ADGRL3: variants seen among roughly 807,000 people sequenced by gnomAD.
The protein encoded by ADGRL3 is calcium-independent alpha-latrotoxin receptor 3.
A neutral mutation model predicts 153.5 loss-of-function variants in ADGRL3; 62 were observed. The observed-to-expected ratio is 0.40, with a 90% CI of 0.33 to 0.50. The LOEUF (loss-of-function observed/expected upper bound fraction) is 0.50. ADGRL3 is among the 20% of genes least tolerant of loss of function. The pLI is 0.47. For missense variants in ADGRL3, 1,641 were observed against 1,859.4 expected, an observed-to-expected ratio of 0.88 and a Z score of 2.16; for synonymous variants, 710 against 672.5, an observed-to-expected ratio of 1.06 and a Z score of -0.86.
intron 1 of ADGRL3, among the ~76,000 whole-genome samples, chr4:61,332,890 G>A (rs988511142): frequency 2.0e-4 from 31 of 152,090 alleles, no homozygotes; most frequent in African/African-American, 7.2e-4. Flanking sequence ...CGATTGGGTT[G>A]CTGGCATGGT....
chr4:61,843,986 A>C (rs1173489052), intron 9 of ADGRL3, among the ~76,000 whole-genome samples: 2 of 149,532 alleles, frequency 1.3e-5, no homozygotes, highest in Non-Finnish European at 3.0e-5. Flanking sequence ...ATGCCATTGC[A>C]CTCCAGCCTG....
chr4:61,281,861 T>C (rs2093735979), intron 1 of ADGRL3, among the ~76,000 whole-genome samples: 1 of 152,110 alleles, frequency 6.6e-6, no homozygotes, highest in Non-Finnish European at 1.5e-5. Flanking sequence ...TTTTTAAAGT[T>C]TAGAAAGTCT....
At chr4:61,401,400 A>G (rs2096928796) in intron 2 of ADGRL3, among the ~76,000 whole-genome samples, 1 of 151,984 alleles carries the variant, frequency 6.6e-6, no homozygotes, top group Admixed American at 6.6e-5. Context: ...CAATTATATT[A>G]CATTCCAGTG....
intron 5 of ADGRL3, among the ~76,000 whole-genome samples, chr4:61,672,202 C>A (rs932682177): frequency 6.6e-6 from 1 of 152,094 alleles, no homozygotes; most frequent in African/African-American, 2.4e-5. Flanking sequence ...ACCTGTAAAT[C>A]TTTAATCCAT....
At chr4:61,935,790 G>T (rs2098835879) in intron 14 of ADGRL3, 133 bp from the exon 15 acceptor site, 4 of 838,178 alleles carry the variant, frequency 4.8e-6, no homozygotes, top group Middle Eastern at 3.2e-4. Flanking sequence ...TTTTCTTAAA[G>T]ATTTTCATAA....
chr4:61,890,071 C>T (rs1465426240), intron 9 of ADGRL3, among the ~76,000 whole-genome samples: 1 of 152,136 alleles, frequency 6.6e-6, no homozygotes, highest in African/African-American at 2.4e-5. Context: ...TTCATTTGAG[C>T]ATGAGATTAT....
At chr4:61,275,565 A>G (rs2093420996) in intron 1 of ADGRL3, among the ~76,000 whole-genome samples, 1 of 152,188 alleles carries the variant, frequency 6.6e-6, no homozygotes. Context: ...TGTCCTGCAT[A>G]GTCGATCTAG....
chr4:61,720,185 G>A (rs908160732), intron 6 of ADGRL3, among the ~76,000 whole-genome samples: 2 of 150,384 alleles, frequency 1.3e-5, no homozygotes, highest in Non-Finnish European at 3.0e-5. Flanking sequence ...CGCCTCCCAG[G>A]TTGAAGGGAT....
intron 2 of ADGRL3, among the ~76,000 whole-genome samples, chr4:61,465,758 A>AATATATATATAT (rs10701021): frequency 0.22 from 27,945 of 129,638 alleles, 3,528 homozygotes; most frequent in Admixed American, 0.28. Context: ...ATTATATATA[A>AATATATATATAT]ATATATATAT....
intron 9 of ADGRL3, among the ~76,000 whole-genome samples, chr4:61,878,663 G>C (rs1284130031): frequency 2.6e-5 from 4 of 152,146 alleles, no homozygotes; most frequent in African/African-American, 9.7e-5. Flanking sequence ...GTTGATGTTA[G>C]AGTTCACTTA....
intron 1 of ADGRL3, among the ~76,000 whole-genome samples, chr4:61,340,686 G>T (rs2095789797): frequency 6.6e-6 from 1 of 151,938 alleles, no homozygotes; most frequent in Admixed American, 6.6e-5. Flanking sequence ...TTTATGCACA[G>T]ACTTTTCCTT....
intron 1 of ADGRL3, among the ~76,000 whole-genome samples, chr4:61,218,720 C>T (rs1159433547): frequency 6.6e-6 from 1 of 152,128 alleles, no homozygotes; most frequent in Non-Finnish European, 1.5e-5. Flanking sequence ...CAGCACCTTC[C>T]TGAAGAAGGG....
intron 5 of ADGRL3, among the ~76,000 whole-genome samples, chr4:61,595,497 G>A (rs748602795): frequency 6.6e-6 from 1 of 152,028 alleles, no homozygotes; most frequent in Non-Finnish European, 1.5e-5. Context: ...GATTCTGCCC[G>A]GCGCCCTATC....
chr4:62,070,359 C>A lies in ADGRL3; in HGVS notation c.4083C>A (p.Asn1361Lys). The A allele has an allele frequency of 6.4e-7, 1 of 1,552,234 alleles. No individual in the cohort carries two copies. Among genetic ancestry groups the A allele is most frequent in the East Asian group, 2.4e-5 (1 of 40,896 alleles). ...RSSEQNRNLMNKLVNNLGSGR... is the reference protein window; with the variant it reads ...RSSEQNRNLMKKLVNNLGSGR... ...GTGAACAGAACAGGAATCTGATGAA[C>A]AAGCTGGTGAATAACCTTGGCAGTG... is the stretch of plus-strand genomic sequence containing the variant. The change falls in exon 27 of 27, where the codon AAC (asparagine) becomes AAA (lysine). Residue 1361 changes from asparagine to lysine, a missense_variant. By Grantham distance (94) the Asn-to-Lys change is moderately conservative. Around this residue, in one of 5 missense-constraint regions of ADGRL3, gnomAD observed 517 missense variants for 555.0 expected, o/e 0.93. Coordinates refer to ENST00000683033, the MANE Select transcript of ADGRL3 (RefSeq NM_001387552.1).
chr4:61,962,276 A>G (rs781431652), intron 17 of ADGRL3, among the ~76,000 whole-genome samples: 30 of 152,146 alleles, frequency 2.0e-4, no homozygotes, highest in Non-Finnish European at 3.5e-4. Flanking sequence ...TACTGATATT[A>G]TATTACTTAA....
intron 1 of ADGRL3, among the ~76,000 whole-genome samples, chr4:61,278,622 G>T (rs1044732805): frequency 5.3e-5 from 8 of 152,044 alleles, no homozygotes; most frequent in Non-Finnish European, 1.2e-4. Context: ...TCCTACCTCA[G>T]CCTCCTGAGT....
chr4:62,005,947 T>C (rs2099155871), intron 21 of ADGRL3, among the ~76,000 whole-genome samples: 1 of 138,634 alleles, frequency 7.2e-6, no homozygotes, highest in South Asian at 2.3e-4. Context: ...TTTATATATA[T>C]ACATACATAT....
intron 17 of ADGRL3, among the ~76,000 whole-genome samples, chr4:61,972,508 T>C (rs542072187): frequency 6.6e-6 from 1 of 152,322 alleles, no homozygotes; most frequent in African/African-American, 2.4e-5. Context: ...TTCTGTTCCA[T>C]TGATCTAAAT....
At chr4:61,358,486 A>G (rs2096223984) in intron 1 of ADGRL3, among the ~76,000 whole-genome samples, 1 of 151,214 alleles carries the variant, frequency 6.6e-6, no homozygotes, top group Admixed American at 6.6e-5. Context: ...AGTCCCAGCT[A>G]CTAGGGAGGC....
Sources: gnomAD v4.1 joint callset for allele counts (sites outside exome capture counted in the v4.1 genomes callset) on GRCh38, gnomAD v4.1.1 for gene constraint, gnomAD v4.1.1 regional missense constraint, MANE v1.5 for transcripts, NCBI Gene and HGNC (gene_info 2026-07-23, HGNC 2026-07-21) for gene names.